TSPAN12: variants seen among roughly 807,000 people sequenced by gnomAD.
TSPAN12 encodes tetraspanin-12.
TSPAN12 carries 19 observed loss-of-function variants against 39.2 expected under a neutral mutation model. That is an observed-to-expected ratio of 0.49 (90% confidence interval 0.34 to 0.71). TSPAN12 has a LOEUF of 0.71. TSPAN12 is among the 30% of genes least tolerant of loss of function. The pLI, the probability that TSPAN12 is intolerant of heterozygous loss-of-function variation, is 0.01. For missense variants in TSPAN12, 314 were observed against 359.9 expected (o/e 0.87, Z 1.03); for synonymous variants, 119 against 124.8 (o/e 0.95, Z 0.31).
rs570537022 is a variant in TSPAN12, at chr7:120,848,276, T to C, written c.67-8167A>G. ...ATACCTCATAAAGCAGTTATCCTAT[T>C]GTTCTTGTTTCTGTCCCTCCATCTC... On this transcript the variant is annotated intron_variant, in intron 2 of 7. Coordinates refer to ENST00000222747, the MANE Select transcript of TSPAN12 (RefSeq NM_012338.4). Among the ~76,000 whole-genome samples the C allele has an allele frequency of 1.1e-4, 16 of 152,328 alleles. No individual in the cohort carries two copies. The South Asian group carries it at 3.3e-3, about 32-fold the overall frequency.
At chr7:120,808,719 G>A (rs913269579) in intron 6 of TSPAN12, among the ~76,000 whole-genome samples, 1 of 152,042 alleles carries the variant, frequency 6.6e-6, no homozygotes, top group African/African-American at 2.4e-5. Context: ...GCTAAGTTGC[G>A]GTATGTGCAT....
At chr7:120,830,272 A>AT (rs1442391980) in intron 4 of TSPAN12, among the ~76,000 whole-genome samples, 3 of 152,040 alleles carry the variant, frequency 2.0e-5, no homozygotes, top group African/African-American at 7.2e-5. Flanking sequence ...CTCCAATGTC[A>AT]TTTTTTTACA....
chr7:120,836,307 C>A (rs939571322), intron 4 of TSPAN12, among the ~76,000 whole-genome samples: 2 of 152,062 alleles, frequency 1.3e-5, no homozygotes, highest in Admixed American at 6.5e-5. Context: ...TAGGTCTAGA[C>A]AGAGTAAGGA....
chr7:120,810,053 G>T (rs1216294783), intron 6 of TSPAN12, among the ~76,000 whole-genome samples: 3 of 151,958 alleles, frequency 2.0e-5, no homozygotes, highest in Non-Finnish European at 4.4e-5. Context: ...ATGATATACT[G>T]ACTTCAAAGT....
chr7:120,789,278 C>T (rs1182423467), intron 7 of TSPAN12, among the ~76,000 whole-genome samples: 4 of 152,170 alleles, frequency 2.6e-5, no homozygotes, highest in Non-Finnish European at 5.9e-5. Flanking sequence ...CTCATCCCTG[C>T]CACTGTCACA....
chr7:120,827,724 C>G (rs1794315879), intron 4 of TSPAN12, among the ~76,000 whole-genome samples: 1 of 152,294 alleles, frequency 6.6e-6, no homozygotes, highest in Non-Finnish European at 1.5e-5. Context: ...TATCCATTAT[C>G]TCTAAGTAAA....
chr7:120,801,605 G>A (rs1793772386), intron 7 of TSPAN12, among the ~76,000 whole-genome samples: 1 of 152,156 alleles, frequency 6.6e-6, no homozygotes, highest in Non-Finnish European at 1.5e-5. Flanking sequence ...AAAGAAATGT[G>A]TCTCTGGAGG....
At chr7:120,791,084 G>A (rs1338468805) in intron 7 of TSPAN12, among the ~76,000 whole-genome samples, 1 of 152,110 alleles carries the variant, frequency 6.6e-6, no homozygotes, top group Non-Finnish European at 1.5e-5. Flanking sequence ...ATCCCAGCAC[G>A]TTGGGAGGCC....
rs577807341 is a variant in TSPAN12 at position 120,812,209 on chromosome 7, A to G, written c.361-1639T>C. ...GTACCACAGTCATTGTTGTAATACA[A>G]TACAATACAACAGTCATTACTGGCC... On this transcript the variant is annotated intron_variant, in intron 5 of 7. Coordinates refer to ENST00000222747, the MANE Select transcript of TSPAN12 (RefSeq NM_012338.4). Among the ~76,000 whole-genome samples the G allele has an allele frequency of 2.0e-5, 3 of 152,324 alleles. No individual in the cohort carries two copies. The East Asian group carries it at 5.8e-4, about 29-fold the overall frequency.
At chr7:120,844,202 C>T (rs1253633364) in intron 2 of TSPAN12, among the ~76,000 whole-genome samples, 1 of 152,180 alleles carries the variant, frequency 6.6e-6, no homozygotes, top group Non-Finnish European at 1.5e-5. Context: ...ATCCAATCAC[C>T]TCCCACCAGG....
chr7:120,826,492 A>G (rs1481913709), intron 4 of TSPAN12, among the ~76,000 whole-genome samples: 2 of 152,188 alleles, frequency 1.3e-5, no homozygotes, highest in African/African-American at 4.8e-5. Flanking sequence ...GTATCTATAC[A>G]GATTATTGGG....
intron 4 of TSPAN12, among the ~76,000 whole-genome samples, chr7:120,817,980 G>A (rs1794116801): frequency 1.3e-5 from 2 of 152,108 alleles, no homozygotes; most frequent in Admixed American, 1.3e-4. Context: ...ATAGTGAGTA[G>A]GACTGGGAGC....
rs183081683 is a variant in TSPAN12, at chr7:120,838,296, C to A, written c.285+481G>T. 6.9e-4 allele frequency among the ~76,000 whole-genome samples: 105 copies of A among 152,230 alleles called. 4 individuals are homozygous for A. The East Asian group carries it at 0.017, about 24-fold the overall frequency. ...AGTGCAACTCTCAGAGTTAAAAAAA[C>A]AACAACCAAGATTATAGAAACTGAG... is the stretch of plus-strand genomic sequence containing the variant. On this transcript the variant is annotated intron_variant, in intron 4 of 7. Transcript: ENST00000222747.
intron 3 of TSPAN12, among the ~76,000 whole-genome samples, chr7:120,839,658 G>A (rs897659184): frequency 2.0e-5 from 3 of 152,142 alleles, no homozygotes; most frequent in Non-Finnish European, 4.4e-5. Context: ...TCATTGTGGT[G>A]TATGGTTTTC....
chr7:120,827,328 T>C (rs1794308441), intron 4 of TSPAN12, among the ~76,000 whole-genome samples: 1 of 152,230 alleles, frequency 6.6e-6, no homozygotes, highest in African/African-American at 2.4e-5. Flanking sequence ...TATATAAATA[T>C]GTATTACAAG....
intron 4 of TSPAN12, among the ~76,000 whole-genome samples, chr7:120,835,482 T>C (rs1464831984): frequency 2.0e-5 from 3 of 152,202 alleles, no homozygotes; most frequent in Non-Finnish European, 4.4e-5. Context: ...GTTACAAATA[T>C]TGGAACTAGA....
chr7:120,839,761 G>T (rs1794543323), intron 3 of TSPAN12, among the ~76,000 whole-genome samples: 1 of 152,108 alleles, frequency 6.6e-6, no homozygotes. Context: ...CCTATGACAT[G>T]GCTGATGCAC....
chr7:120,855,633 AG>A (rs1237648565), intron 2 of TSPAN12, among the ~76,000 whole-genome samples: 1 of 152,208 alleles, frequency 6.6e-6, no homozygotes, highest in Non-Finnish European at 1.5e-5. Context: ...TTTAATGTTG[AG>A]AAAAGGAATG....
chr7:120,853,487 T>G (rs948299457), intron 2 of TSPAN12, among the ~76,000 whole-genome samples: 1 of 142,864 alleles, frequency 7.0e-6, no homozygotes, highest in Non-Finnish European at 1.5e-5. Context: ...TATATATATA[T>G]ATATATACAC....
Sources: gnomAD v4.1 joint callset for allele counts (sites outside exome capture counted in the v4.1 genomes callset) on GRCh38, gnomAD v4.1.1 for gene constraint, MANE v1.5 for transcripts, NCBI Gene and HGNC (gene_info 2026-07-23, HGNC 2026-07-21) for gene names.